Variants in VPS13B observed in about 807,000 individuals in gnomAD.
VPS13B encodes vacuolar protein sorting 13 homolog B.
A neutral mutation model predicts 426.4 loss-of-function variants in VPS13B; 285 were observed. The ratio of observed to expected loss-of-function variants is 0.67; its 90% CI spans 0.61 to 0.74. The LOEUF is 0.74. VPS13B is among the 30% of genes least tolerant of loss of function. The pLI, the probability that VPS13B is intolerant of heterozygous loss-of-function variation, is 0.00. For synonymous variants in VPS13B, 1,676 were observed against 1,676.4 expected, an observed-to-expected ratio of 1.00 and a Z score of 0.01; for missense variants, 4,537 against 4,782.6, an observed-to-expected ratio of 0.95 and a Z score of 1.51.
chr8:99,340,519 C>T (rs1811183442), intron 19 of VPS13B: 2 of 483,358 alleles, frequency 4.1e-6, no homozygotes, highest in Admixed American at 4.6e-5. Context: ...ATGTTGTGCC[C>T]CATAAATGTG....
intron 21 of VPS13B, among the ~76,000 whole-genome samples, chr8:99,413,352 G>A (rs977741203): frequency 1.1e-4 from 16 of 152,022 alleles, no homozygotes; most frequent in Admixed American, 1.0e-3. Context: ...GCATAGAGGT[G>A]TTTATAGTAT....
intron 35 of VPS13B, among the ~76,000 whole-genome samples, chr8:99,682,374 G>T (rs549465636): frequency 6.6e-6 from 1 of 152,176 alleles, no homozygotes; most frequent in South Asian, 2.1e-4. Context: ...TAAAAATTAG[G>T]CTATCTAAAA....
At chr8:99,207,499 A>G (rs1419249921) in intron 17 of VPS13B, among the ~76,000 whole-genome samples, 3 of 152,202 alleles carry the variant, frequency 2.0e-5, no homozygotes, top group Admixed American at 6.5e-5. Context: ...AAGAAAATAT[A>G]TAAAGTGTAA....
chr8:99,771,084 A>AT (rs1563909767), intron 40 of VPS13B, among the ~76,000 whole-genome samples: 3 of 152,206 alleles, frequency 2.0e-5, no homozygotes, highest in Admixed American at 2.0e-4. Flanking sequence ...CTAATTCCAG[A>AT]AATACTTATT....
At chr8:99,044,638 C>T (rs1051419549) in intron 3 of VPS13B, among the ~76,000 whole-genome samples, 4 of 151,774 alleles carry the variant, frequency 2.6e-5, no homozygotes, top group Admixed American at 6.6e-5. Flanking sequence ...GTCTTTTATC[C>T]CTTACCTCTT....
chr8:99,320,919 G>A (rs575126024), intron 19 of VPS13B, among the ~76,000 whole-genome samples: 12 of 152,142 alleles, frequency 7.9e-5, no homozygotes, highest in African/African-American at 2.6e-4. Flanking sequence ...TTGACCTTTG[G>A]TTACTCAGTT....
intron 33 of VPS13B, among the ~76,000 whole-genome samples, chr8:99,586,298 G>A (rs1220762798): frequency 1.3e-5 from 2 of 152,082 alleles, no homozygotes; most frequent in Non-Finnish European, 2.9e-5. Flanking sequence ...ATCCTTGCTA[G>A]AAAGCCAAGT....
intron 19 of VPS13B, among the ~76,000 whole-genome samples, chr8:99,354,610 C>A (rs1677752568): frequency 6.6e-6 from 1 of 151,962 alleles, no homozygotes; most frequent in South Asian, 2.1e-4. Flanking sequence ...TTTAGAAATT[C>A]ATTCTGGTTA....
At chr8:99,653,575 A>G (rs1470292110) in intron 34 of VPS13B, among the ~76,000 whole-genome samples, 1 of 152,118 alleles carries the variant, frequency 6.6e-6, no homozygotes, top group East Asian at 1.9e-4. Context: ...TTTTAATAAG[A>G]AAGAGATCAA....
intron 44 of VPS13B, among the ~76,000 whole-genome samples, chr8:99,812,085 C>T (rs1250512501): frequency 1.3e-5 from 2 of 152,222 alleles, no homozygotes; most frequent in Admixed American, 1.3e-4. Flanking sequence ...CACATCGCAA[C>T]AGTATACCTA....
intron 33 of VPS13B, among the ~76,000 whole-genome samples, chr8:99,583,459 C>CT (rs889070404): frequency 6.6e-6 from 1 of 151,908 alleles, no homozygotes; most frequent in African/African-American, 2.4e-5. Flanking sequence ...ATGCATTGGG[C>CT]TTTTTTGCTA....
chr8:99,320,522 A>G (rs1256188273), intron 19 of VPS13B, among the ~76,000 whole-genome samples: 2 of 152,174 alleles, frequency 1.3e-5, no homozygotes, highest in Admixed American at 6.5e-5. Flanking sequence ...TTAATCTTAG[A>G]TGATTCAAAC....
chr8:99,712,759 CAAAAAAAAA>C (rs386360840), intron 36 of VPS13B, among the ~76,000 whole-genome samples: 6 of 98,146 alleles, frequency 6.1e-5, no homozygotes, highest in African/African-American at 2.1e-4. Flanking sequence ...GTCCCCAAGC[CAAAAAAAAA>C]AAAAAAAATA....
At position 99,166,467 on chromosome 8, in the gene VPS13B, T is replaced by C. The variant is rs150346442; in HGVS notation, c.2209-3572T>C. ...TGTGTGGGATTTGGCCTGTAGGCTG[T>C]AGTTGGTTTTTGTTCTGTTTTCTTA... is the stretch of plus-strand genomic sequence containing the variant. On this transcript the variant is annotated intron_variant, in intron 15 of 61. Coordinates refer to ENST00000357162, the MANE Select transcript of VPS13B (RefSeq NM_152564.5). 2.3e-3 allele frequency among the ~76,000 whole-genome samples: 345 copies of C among 152,330 alleles called. 3 individuals carry two copies. The highest frequency in any genetic ancestry group is 8.1e-3 in the African/African-American group (335 of 41,574).
chr8:99,658,036 AG>A (rs1830084631), intron 34 of VPS13B, among the ~76,000 whole-genome samples: 1 of 152,222 alleles, frequency 6.6e-6, no homozygotes, highest in Non-Finnish European at 1.5e-5. Flanking sequence ...TCCCTGATTA[AG>A]AATGAAGCTG....
At chr8:99,129,553 C>G (rs1344647471) in intron 8 of VPS13B, among the ~76,000 whole-genome samples, 1 of 94,114 alleles carries the variant, frequency 1.1e-5, no homozygotes, top group African/African-American at 4.4e-5. Context: ...GGTGACCAAG[C>G]AAGACTGTGT....
chr8:99,337,112 C>T (rs1219099691), intron 19 of VPS13B, among the ~76,000 whole-genome samples: 6 of 151,982 alleles, frequency 3.9e-5, no homozygotes, highest in South Asian at 2.1e-4. Context: ...TGGAACCAAC[C>T]GAAATGTCCA....
At chr8:99,822,677 C>T (rs1374814765) in intron 50 of VPS13B, among the ~76,000 whole-genome samples, 4 of 152,152 alleles carry the variant, frequency 2.6e-5, no homozygotes, top group African/African-American at 9.7e-5. Context: ...GACTCAGGAC[C>T]TCTTTATACT....
intron 19 of VPS13B, among the ~76,000 whole-genome samples, chr8:99,362,142 T>TG (rs1381554516): frequency 6.9e-6 from 1 of 145,252 alleles, no homozygotes; most frequent in Admixed American, 6.8e-5. Context: ...AATTTGTCTT[T>TG]TTTTTTTTTT....
Sources: allele counts gnomAD v4.1 joint callset (sites outside exome capture counted in the v4.1 genomes callset), GRCh38; gene constraint gnomAD v4.1.1; transcripts MANE v1.5; gene names NCBI Gene and HGNC (gene_info 2026-07-23, HGNC 2026-07-21).